Variants in WWOX observed in about 807,000 individuals in gnomAD.
WWOX encodes WW domain-containing oxidoreductase.
WWOX carries 69 observed loss-of-function variants against 46.2 expected under a neutral mutation model. The observed-to-expected ratio is 1.49, with a 90% CI of 1.23 to 1.82. The LOEUF (loss-of-function observed/expected upper bound fraction) is 1.82, where lower values mean the gene tolerates loss of function less well. Among genes scored for constraint, WWOX ranks in the 40% most tolerant of loss-of-function variants. The pLI is 0.00. For synonymous variants in WWOX, 359 were observed against 202.6 expected (o/e 1.77, Z -6.56); for missense variants, 919 against 542.6 (o/e 1.69, Z -6.89).
At chr16:78,900,791 C>G (rs1183336529) in intron 8 of WWOX, among the ~76,000 whole-genome samples, 1 of 150,758 alleles carries the variant, frequency 6.6e-6, no homozygotes. Flanking sequence ...AATAACCTCT[C>G]TTTTTTATTT....
At chr16:78,695,775 A>G (rs991889114) in intron 8 of WWOX, among the ~76,000 whole-genome samples, 1 of 152,234 alleles carries the variant, frequency 6.6e-6, no homozygotes, top group Non-Finnish European at 1.5e-5. Flanking sequence ...GAAAACCAAT[A>G]AAAACATATA....
rs149805834 is a variant in WWOX, at chr16:79,041,413, C to T, written c.1057-170195C>T. ...AGGATTCCACCCACCACGCCCCTTG[C>T]GGTTCCTTGCCGGTGTCCTGTCCTG... On this transcript the variant is annotated intron_variant, in intron 8 of 8. Coordinates refer to ENST00000566780, the MANE Select transcript of WWOX (RefSeq NM_016373.4). Among the ~76,000 whole-genome samples the T allele has an allele frequency of 3.3e-3, 498 of 152,300 alleles. 8 individuals are homozygous for T. Among genetic ancestry groups the T allele is most frequent in the African/African-American group, 0.011 (465 of 41,552 alleles).
At chr16:78,753,654 T>C (rs2049544040) in intron 8 of WWOX, among the ~76,000 whole-genome samples, 1 of 150,978 alleles carries the variant, frequency 6.6e-6, no homozygotes. Context: ...AAACAGAAAT[T>C]AGCTGGGCAT....
At chr16:78,888,628 C>A (rs570906313) in intron 8 of WWOX, among the ~76,000 whole-genome samples, 1 of 152,026 alleles carries the variant, frequency 6.6e-6, no homozygotes, top group African/African-American at 2.4e-5. Flanking sequence ...CCCTGCTGAC[C>A]GAGCCAGAAC....
At chr16:78,630,903 G>A (rs994811606) in intron 8 of WWOX, among the ~76,000 whole-genome samples, 1 of 152,156 alleles carries the variant, frequency 6.6e-6, no homozygotes, top group Non-Finnish European at 1.5e-5. Context: ...TTCTACATAT[G>A]TAGATTTAAC....
At chr16:79,169,280 A>C (rs1457228256) in intron 8 of WWOX, among the ~76,000 whole-genome samples, 1 of 152,154 alleles carries the variant, frequency 6.6e-6, no homozygotes, top group East Asian at 1.9e-4. Context: ...AATGTCTGAG[A>C]CTTGTGATGT....
chr16:78,138,082 T>C (rs2033862252), intron 4 of WWOX, among the ~76,000 whole-genome samples: 1 of 150,674 alleles, frequency 6.6e-6, no homozygotes, highest in African/African-American at 2.5e-5. Flanking sequence ...CAGACTGTTC[T>C]TGGCCAACTG....
Position 78,278,022 on chromosome 16 carries a change from A to G in WWOX, c.517-108838A>G, listed in dbSNP as rs528316298. ...TTATGAAGTTGATGATGGGGTGTGA[A>G]CGGTGTGAGTGGGGGACAAAGCAAT... On this transcript the variant is annotated intron_variant, in intron 5 of 8. Transcript: ENST00000566780. 7.7e-4 allele frequency among the ~76,000 whole-genome samples: 117 copies of G among 152,278 alleles called. 1 individual carries two copies. The highest frequency in any genetic ancestry group is 2.5e-3 in the African/African-American group (104 of 41,560).
intron 8 of WWOX, among the ~76,000 whole-genome samples, chr16:78,852,033 A>G (rs1036129401): frequency 2.6e-5 from 4 of 152,192 alleles, no homozygotes; most frequent in African/African-American, 9.7e-5. Flanking sequence ...CCCACAATCA[A>G]GAGTGACTTG....
intron 8 of WWOX, among the ~76,000 whole-genome samples, chr16:78,546,778 C>G (rs557994837): frequency 6.6e-6 from 1 of 152,064 alleles, no homozygotes; most frequent in Non-Finnish European, 1.5e-5. Flanking sequence ...AAGTTACTGA[C>G]GTGTGTTACC....
intron 8 of WWOX, among the ~76,000 whole-genome samples, chr16:78,680,112 TAAG>T (rs1403608606): frequency 6.6e-6 from 1 of 152,190 alleles, no homozygotes; most frequent in East Asian, 1.9e-4. Context: ...GAAGTTTAAA[TAAG>T]AAAAGGTATC....
intron 8 of WWOX, among the ~76,000 whole-genome samples, chr16:78,839,554 C>A (rs2052082644): frequency 6.6e-6 from 1 of 152,184 alleles, no homozygotes; most frequent in Non-Finnish European, 1.5e-5. Flanking sequence ...TAATACTTTG[C>A]AATAAATATT....
intron 8 of WWOX, among the ~76,000 whole-genome samples, chr16:78,946,054 A>G (rs995210982): frequency 6.6e-5 from 10 of 152,324 alleles, no homozygotes; most frequent in African/African-American, 2.4e-4. Context: ...GCTGTGCTCT[A>G]GAAACATACC....
chr16:79,116,157 G>T (rs1031004170), intron 8 of WWOX, among the ~76,000 whole-genome samples: 8 of 152,180 alleles, frequency 5.3e-5, no homozygotes, highest in African/African-American at 1.9e-4. Flanking sequence ...CTTTTTGCTG[G>T]TGGAGGGTCT....
At chr16:78,712,842 A>T (rs773677728) in intron 8 of WWOX, among the ~76,000 whole-genome samples, 12 of 152,188 alleles carry the variant, frequency 7.9e-5, no homozygotes, top group African/African-American at 9.6e-5. Flanking sequence ...GAAAATGTTC[A>T]TGTTAAATTA....
chr16:78,366,866 A>T (rs1225474793), intron 5 of WWOX, among the ~76,000 whole-genome samples: 1 of 151,616 alleles, frequency 6.6e-6, no homozygotes, highest in Non-Finnish European at 1.5e-5. Context: ...TTCCTATCAT[A>T]CGTGACTCAG....
intron 5 of WWOX, among the ~76,000 whole-genome samples, chr16:78,201,539 T>G (rs2036229460): frequency 6.6e-6 from 1 of 152,152 alleles, no homozygotes; most frequent in Non-Finnish European, 1.5e-5. Flanking sequence ...CTAAAACAAT[T>G]TAGTCCCTTC....
Position 79,147,300 on chromosome 16 carries a change from C to G in WWOX, c.1057-64308C>G, listed in dbSNP as rs185968972. Among the ~76,000 whole-genome samples, 6 of 152,282 alleles carry G rather than the reference C, an allele frequency of 3.9e-5. No individual in the cohort carries two copies. In the East Asian group the frequency reaches 1.2e-3, roughly 29 times the overall value. ...CTGGCAACCACTAAACTGTTCTCCA[C>G]TTTTAAAATGTTGTTTTTTCAAAAT... On this transcript the variant is annotated intron_variant, in intron 8 of 8. Transcript: ENST00000566780.
chr16:78,770,035 C>G (rs558064063), intron 8 of WWOX, among the ~76,000 whole-genome samples: 2 of 151,618 alleles, frequency 1.3e-5, no homozygotes, highest in South Asian at 2.1e-4. Context: ...CAGAGTGAGA[C>G]CGTGTCTTTA....
Sources: gnomAD v4.1 joint callset for allele counts (sites outside exome capture counted in the v4.1 genomes callset) on GRCh38, gnomAD v4.1.1 for gene constraint, MANE v1.5 for transcripts, NCBI Gene and HGNC (gene_info 2026-07-23, HGNC 2026-07-21) for gene names.